The following NOSTRIN variants were observed in gnomAD, a reference collection of about 807,000 sequenced individuals.
The protein encoded by NOSTRIN is nitric oxide synthase trafficking, also known as BM247 homolog.
Under a neutral mutation model 59.0 loss-of-function variants are expected in NOSTRIN, and 63 were observed. That is an observed-to-expected ratio of 1.07 (90% CI 0.87 to 1.32). The LOEUF (loss-of-function observed/expected upper bound fraction) is 1.32, where lower values mean the gene tolerates loss of function less well. Ranked by LOEUF, NOSTRIN falls within the 40% of genes most tolerant of loss-of-function variation. The probability of loss-of-function intolerance (pLI) is 0.00; values close to 1 mark genes in which losing one functional copy is unlikely to be tolerated. For synonymous variants in NOSTRIN, 200 were observed against 165.4 expected (o/e 1.21, Z -1.61); for missense variants, 512 against 473.1 (o/e 1.08, Z -0.76).
At chr2:168,855,802 G>A (rs753028694) in intron 11 of NOSTRIN, 17 of 441,972 alleles carry the variant, frequency 3.8e-5, no homozygotes, top group Non-Finnish European at 5.7e-5. Flanking sequence ...AACTGTGCAT[G>A]AGAGTTTTGG....
chr2:168,811,593 G>A lies in NOSTRIN; in HGVS notation c.54G>A (p.Lys18=), dbSNP rs758345758. 19 of 862,722 alleles carry A rather than the reference G, an allele frequency of 2.2e-5. No homozygotes were observed. In the South Asian group the frequency reaches 2.6e-4, roughly 12 times the overall value. 53.4% of individuals were successfully genotyped at this position (862,722 alleles called of 1,614,324 possible). ...ATAATAAAGTATACAAGAACCTAAA[G>A]GAGTTTTCTCAAAATGGAGAGAATT... ...CPYNKVYKNL[K]EFSQNGENFC... The change falls in exon 2 of 16, where the codon AAG becomes AAA. Residue 18 remains lysine (K), a synonymous_variant. Coordinates refer to ENST00000317647, the MANE Select transcript of NOSTRIN (RefSeq NM_001039724.4).
At chr2:168,817,971 G>GA (rs777428628) in intron 2 of NOSTRIN, among the ~76,000 whole-genome samples, 7 of 152,186 alleles carry the variant, frequency 4.6e-5, no homozygotes, top group African/African-American at 1.7e-4. Flanking sequence ...AGTTTGGATA[G>GA]AAAATATCAG....
intron 7 of NOSTRIN, among the ~76,000 whole-genome samples, chr2:168,835,298 C>T (rs1272456515): frequency 1.3e-5 from 2 of 152,232 alleles, no homozygotes; most frequent in East Asian, 1.9e-4. Flanking sequence ...AGGCTGGTCT[C>T]GAACTCCTGA....
At chr2:168,854,346 C>G (rs1162022224) in intron 10 of NOSTRIN, among the ~76,000 whole-genome samples, 3 of 152,196 alleles carry the variant, frequency 2.0e-5, no homozygotes, top group Non-Finnish European at 4.4e-5. Flanking sequence ...CCTTCCTTAT[C>G]AGCGAAGCCT....
chr2:168,818,486 C>A (rs1277394956), intron 2 of NOSTRIN, among the ~76,000 whole-genome samples: 1 of 152,162 alleles, frequency 6.6e-6, no homozygotes, highest in East Asian at 1.9e-4. Flanking sequence ...TCCTCATAGA[C>A]ACAGGGGGCA....
intron 1 of NOSTRIN, among the ~76,000 whole-genome samples, chr2:168,806,413 C>T (rs1685853649): frequency 6.6e-6 from 1 of 152,028 alleles, no homozygotes; most frequent in African/African-American, 2.4e-5. Context: ...CTTTACAAGT[C>T]GCCTGTCTAA....
upstream of NOSTRIN, chr2:168,802,538 G>A (rs555635004): frequency 1.5e-5 from 12 of 778,772 alleles, no homozygotes; most frequent in Non-Finnish European, 1.8e-5. Context: ...AAGGACTGAC[G>A]TACTCTAGGC....
At chr2:168,850,879 C>G in intron 8 of NOSTRIN, 1 of 796,748 alleles carries the variant, frequency 1.3e-6, no homozygotes, top group Non-Finnish European at 2.1e-6. Flanking sequence ...GTCAAAAGAG[C>G]CTGGGGAAAG....
intron 7 of NOSTRIN, among the ~76,000 whole-genome samples, chr2:168,840,204 C>G (rs963956614): frequency 3.2e-4 from 49 of 152,084 alleles, no homozygotes; most frequent in Non-Finnish European, 6.8e-4. Flanking sequence ...TGAGTTTCTA[C>G]AGACACATGT....
chr2:168,847,241 T>A (rs532779), intron 8 of NOSTRIN, among the ~76,000 whole-genome samples: 43,639 of 152,148 alleles, frequency 0.29, 7,554 homozygotes, highest in East Asian at 0.69. Flanking sequence ...CATATACACA[T>A]ACCTAGACTG....
At chr2:168,841,749 G>A (rs1688119512) in intron 7 of NOSTRIN, among the ~76,000 whole-genome samples, 1 of 152,188 alleles carries the variant, frequency 6.6e-6, no homozygotes, top group Admixed American at 6.6e-5. Context: ...AGAGACAGAT[G>A]AATAGGAGAA....
At chr2:168,854,845 C>A (rs986042977) in intron 10 of NOSTRIN, among the ~76,000 whole-genome samples, 2 of 152,116 alleles carry the variant, frequency 1.3e-5, no homozygotes, top group Non-Finnish European at 2.9e-5. Flanking sequence ...TGCTTCAAGG[C>A]CTAACTAAAT....
At chr2:168,787,212 C>G (rs530175551) in intron 1 of NOSTRIN, among the ~76,000 whole-genome samples, 2 of 152,262 alleles carry the variant, frequency 1.3e-5, no homozygotes, top group South Asian at 2.1e-4. Context: ...AAGGGCATAG[C>G]GTGAAGCAGT....
At chr2:168,849,256 CAGG>C (rs1209827585) in intron 8 of NOSTRIN, among the ~76,000 whole-genome samples, 1 of 152,210 alleles carries the variant, frequency 6.6e-6, no homozygotes, top group East Asian at 1.9e-4. Flanking sequence ...TTGTGGGATG[CAGG>C]AGTTGGGATG....
upstream of NOSTRIN, among the ~76,000 whole-genome samples, chr2:168,794,350 A>G (rs1467255890): frequency 4.9e-5 from 6 of 122,964 alleles, no homozygotes; most frequent in African/African-American, 5.7e-5. Flanking sequence ...GACAAAAGGG[A>G]TGATTTTTTT....
At chr2:168,834,454 C>T in intron 7 of NOSTRIN, 129 bp downstream of exon 7, 2 of 562,754 alleles carry the variant, frequency 3.6e-6, no homozygotes, top group Non-Finnish European at 3.2e-6. Context: ...TGTAGCTTGA[C>T]AGAGCATAAA....
chr2:168,797,072 CTTTTTT>C (rs1685497932), upstream of NOSTRIN, among the ~76,000 whole-genome samples: 2 of 85,352 alleles, frequency 2.3e-5, no homozygotes, highest in African/African-American at 4.0e-5. Context: ...CTTTCTTTTT[CTTTTTT>C]CTTTTTTTTT....
intron 12 of NOSTRIN, chr2:168,858,981 C>G (rs975739728): frequency 3.9e-5 from 6 of 152,402 alleles, no homozygotes; most frequent in African/African-American, 1.4e-4. Flanking sequence ...TATGTTTATA[C>G]TCAAATGCCC....
chr2:168,842,272 T>A (rs1688150614), intron 7 of NOSTRIN, among the ~76,000 whole-genome samples: 1 of 152,226 alleles, frequency 6.6e-6, no homozygotes, highest in South Asian at 2.1e-4. Flanking sequence ...GAGAAACTTT[T>A]ACTTCTGAGG....
Sources: gnomAD v4.1 joint callset for allele counts (sites outside exome capture counted in the v4.1 genomes callset) on GRCh38, gnomAD v4.1.1 for gene constraint, MANE v1.5 for transcripts, NCBI Gene and HGNC (gene_info 2026-07-23, HGNC 2026-07-21) for gene names.